Variants in PCDHA11 observed in about 807,000 individuals in gnomAD.
PCDHA11 encodes the protein protocadherin alpha 11, also known as protocadherin alpha-11.
PCDHA11 carries 61 observed loss-of-function variants against 70.3 expected under a neutral mutation model. The observed-to-expected ratio is 0.87, with a 90% CI of 0.71 to 1.07. The LOEUF is 1.07. Among genes scored for constraint, PCDHA11 ranks in the 50% least tolerant of loss-of-function variants. The pLI, the probability that PCDHA11 is intolerant of heterozygous loss-of-function variation, is 0.00. For missense variants in PCDHA11, 1,324 were observed against 1,237.5 expected (o/e 1.07, Z -1.05); for synonymous variants, 633 against 555.1 (o/e 1.14, Z -1.97).
Position 140,876,879 on chromosome 5 carries a change from G to C in PCDHA11, c.2391+5385G>C, listed in dbSNP as rs782299548. On this transcript the variant is annotated intron_variant, in intron 1 of 3. Coordinates refer to ENST00000398640, the MANE Select transcript of PCDHA11 (RefSeq NM_018902.5). Reference sequence around the variant, plus strand: ...CAGTGTTCGTGAAGGAGAACAACCCGCCGGGCTGCCACATCTTCACGGTGT... The same window carrying C: ...CAGTGTTCGTGAAGGAGAACAACCCCCCGGGCTGCCACATCTTCACGGTGT... The C allele has an allele frequency of 1.6e-5, 26 of 1,614,032 alleles. 1 individual carries two copies. The highest frequency in any genetic ancestry group is 2.2e-5 in the Non-Finnish European group (26 of 1,180,008).
At chr5:140,991,180 C>T (rs2097436577) in intron 3 of PCDHA11, among the ~76,000 whole-genome samples, 1 of 152,160 alleles carries the variant, frequency 6.6e-6, no homozygotes. Context: ...AAGCAGGATG[C>T]CTAGCACACA....
intron 1 of PCDHA11, among the ~76,000 whole-genome samples, chr5:140,962,929 A>T (rs1386992197): frequency 1.3e-5 from 2 of 152,070 alleles, no homozygotes; most frequent in Non-Finnish European, 2.9e-5. Context: ...ATACTTCTCA[A>T]CCTCCTCTCC....
chr5:140,999,751 G>A (rs1167424188), intron 3 of PCDHA11, among the ~76,000 whole-genome samples: 1 of 152,150 alleles, frequency 6.6e-6, no homozygotes, highest in Non-Finnish European at 1.5e-5. Flanking sequence ...TGGGTTCGCA[G>A]CACATGATGT....
intron 3 of PCDHA11, among the ~76,000 whole-genome samples, chr5:140,996,055 C>A (rs1289526573): frequency 6.6e-6 from 1 of 152,164 alleles, no homozygotes; most frequent in Non-Finnish European, 1.5e-5. Flanking sequence ...GTGCTTGGCA[C>A]ACAGTAAAGA....
chr5:140,905,771 G>A lies in PCDHA11; in HGVS notation c.2391+34277G>A, dbSNP rs112500166. ...TCACCTCCTTGGTTAAGTATATTCC[G>A]AAGTGTATTAGTCAGGGTTCTCTAG... is the stretch of plus-strand genomic sequence containing the variant. On this transcript the variant is annotated intron_variant, in intron 1 of 3. Coordinates refer to ENST00000398640, the MANE Select transcript of PCDHA11 (RefSeq NM_018902.5). Among the ~76,000 whole-genome samples the A allele has an allele frequency of 4.4e-3, 670 of 152,104 alleles. 7 individuals are homozygous for A. Among genetic ancestry groups the A allele is most frequent in the African/African-American group, 0.015 (623 of 41,484 alleles).
chr5:140,926,469 C>A (rs558686220), intron 1 of PCDHA11: 1 of 162,452 alleles, frequency 6.2e-6, no homozygotes, highest in Admixed American at 6.4e-5. Context: ...TAGAAAACAC[C>A]GTTTAAGGAG....
chr5:140,892,468 C>T (rs1184778883), intron 1 of PCDHA11, among the ~76,000 whole-genome samples: 10 of 152,150 alleles, frequency 6.6e-5, no homozygotes, highest in Admixed American at 3.3e-4. Flanking sequence ...TACGGTTATT[C>T]AGTTTCCTAG....
chr5:140,922,257 G>A (rs2080747240), intron 1 of PCDHA11, among the ~76,000 whole-genome samples: 5 of 152,172 alleles, frequency 3.3e-5, no homozygotes, highest in Admixed American at 3.3e-4. Context: ...AAGTTACTAA[G>A]TGCCATGAAG....
At chr5:140,970,384 C>T (rs2096401322) in intron 1 of PCDHA11, among the ~76,000 whole-genome samples, 1 of 152,104 alleles carries the variant, frequency 6.6e-6, no homozygotes, top group Admixed American at 6.5e-5. Flanking sequence ...AAAAGGCTGG[C>T]TTGGAAAGTG....
At chr5:140,879,235 A>T (rs904336289) in intron 1 of PCDHA11, among the ~76,000 whole-genome samples, 1 of 152,240 alleles carries the variant, frequency 6.6e-6, no homozygotes, top group Non-Finnish European at 1.5e-5. Context: ...CATATACAAG[A>T]GGCACTGGCA....
chr5:140,904,139 A>G lies in PCDHA11; in HGVS notation c.2391+32645A>G, dbSNP rs557435150. On this transcript the variant is annotated intron_variant, in intron 1 of 3. Coordinates refer to ENST00000398640, the MANE Select transcript of PCDHA11 (RefSeq NM_018902.5). ...ATTTTGGTGCACCCATCACCCGAGCAGTATACATTGCACCCAGTTTGTAGT... is the reference window on the plus strand; with the variant it reads ...ATTTTGGTGCACCCATCACCCGAGCGGTATACATTGCACCCAGTTTGTAGT... Among the ~76,000 whole-genome samples, 4 of 152,286 alleles carry G rather than the reference A, an allele frequency of 2.6e-5. No homozygotes were observed. The East Asian group carries it at 7.7e-4, about 29-fold the overall frequency.
At chr5:140,965,864 G>A (rs553582487) in intron 1 of PCDHA11, among the ~76,000 whole-genome samples, 1 of 152,254 alleles carries the variant, frequency 6.6e-6, no homozygotes, top group East Asian at 1.9e-4. Flanking sequence ...CTGAAAATAA[G>A]GGCCACTTGG....
intron 1 of PCDHA11, among the ~76,000 whole-genome samples, chr5:140,910,994 CT>C (rs1312142604): frequency 2.0e-5 from 3 of 152,222 alleles, no homozygotes; most frequent in African/African-American, 7.2e-5. Flanking sequence ...AACCTCACCC[CT>C]AGGGCCCTCC....
At chr5:140,898,965 G>A (rs2067069000) in intron 1 of PCDHA11, among the ~76,000 whole-genome samples, 1 of 152,044 alleles carries the variant, frequency 6.6e-6, no homozygotes, top group Non-Finnish European at 1.5e-5. Flanking sequence ...GTGAATGGGA[G>A]TTCACTCATG....
intron 1 of PCDHA11, among the ~76,000 whole-genome samples, chr5:140,886,340 G>A (rs2060950327): frequency 6.6e-6 from 1 of 151,864 alleles, no homozygotes; most frequent in East Asian, 1.9e-4. Flanking sequence ...TGTGCAGAAC[G>A]TGCAGGTTTG....
At chr5:140,935,592 T>C (rs1554210581) in intron 1 of PCDHA11, among the ~76,000 whole-genome samples, 1 of 152,252 alleles carries the variant, frequency 6.6e-6, no homozygotes, top group East Asian at 1.9e-4. Context: ...ACCAGCTAGA[T>C]ACAGAGCTAG....
chr5:140,901,100 C>G (rs1172808892), intron 1 of PCDHA11, among the ~76,000 whole-genome samples: 1 of 152,002 alleles, frequency 6.6e-6, no homozygotes, highest in East Asian at 1.9e-4. Flanking sequence ...CTTCTACATT[C>G]TGGTTATTCA....
chr5:140,885,469 C>T (rs1338782835), intron 1 of PCDHA11, among the ~76,000 whole-genome samples: 1 of 152,156 alleles, frequency 6.6e-6, no homozygotes, highest in Admixed American at 6.5e-5. Flanking sequence ...GATGGGCAAT[C>T]ACTTTGTGTC....
Position 140,884,301 on chromosome 5 carries a change from C to T in PCDHA11, c.2391+12807C>T, listed in dbSNP as rs375535055. On this transcript the variant is annotated intron_variant, in intron 1 of 3. Transcript: ENST00000398640. ...GTGGAGAGCGGCCAAGCGCCACAGG[C>T]TTCGTCGAGGGCGTCGGCAGGCGCT... 4.3e-6 allele frequency: 7 copies of T among 1,613,608 alleles called. No homozygotes were observed. The African/African-American group carries it at 8.0e-5, about 18-fold the overall frequency.
Sources: gnomAD v4.1 joint callset for allele counts (sites outside exome capture counted in the v4.1 genomes callset) on GRCh38, gnomAD v4.1.1 for gene constraint, MANE v1.5 for transcripts, NCBI Gene and HGNC (gene_info 2026-07-23, HGNC 2026-07-21) for gene names.